TTYH2: variants seen among roughly 807,000 people sequenced by gnomAD.
TTYH2 encodes protein tweety homolog 2.
TTYH2 carries 49 observed loss-of-function variants against 68.3 expected under a neutral mutation model. That is an observed-to-expected ratio of 0.72 (90% CI 0.57 to 0.91). TTYH2 has a LOEUF of 0.91. Ranked by LOEUF, TTYH2 falls within the 40% of genes least tolerant of loss-of-function variation. The pLI is 0.00. For synonymous variants in TTYH2, 272 were observed against 300.8 expected (o/e 0.90, Z 0.99); for missense variants, 631 against 700.4 (o/e 0.90, Z 1.12).
Position 74,260,441 on chromosome 17 carries a change from G to A in TTYH2, c.*232G>A. 1 of 553,708 alleles carries A rather than the reference G, an allele frequency of 1.8e-6. No individual in the cohort carries two copies. The highest frequency in any genetic ancestry group is 3.1e-5 in the East Asian group (1 of 31,884). The allele number at this position is 553,708 out of a possible 1,614,324, so 34.3% of individuals were successfully genotyped here. On this transcript the variant is annotated 3_prime_UTR_variant, in exon 14 of 14. Transcript: ENST00000269346. ...CTCCACACCAGAAATGCCCCCAGGTGCTTGGCTGCCTCAGAGGTACCATCC... is the reference window on the plus strand; with the variant it reads ...CTCCACACCAGAAATGCCCCCAGGTACTTGGCTGCCTCAGAGGTACCATCC...
intron 2 of TTYH2, among the ~76,000 whole-genome samples, chr17:74,226,118 A>T (rs144947092): frequency 1.3e-5 from 2 of 152,338 alleles, no homozygotes; most frequent in Middle Eastern, 3.4e-3. Context: ...AGAGAAGCAG[A>T]CAGTCAGTTT....
intron 13 of TTYH2, among the ~76,000 whole-genome samples, chr17:74,255,022 A>T (rs2050679051): frequency 6.6e-6 from 1 of 152,196 alleles, no homozygotes; most frequent in Admixed American, 6.5e-5. Flanking sequence ...TCAGGGGAGT[A>T]GCTCAGGGTG....
intron 10 of TTYH2, 38 bp downstream of exon 10, chr17:74,250,395 GGCA>G (rs748841859): frequency 3.3e-5 from 51 of 1,565,504 alleles, no homozygotes; most frequent in Non-Finnish European, 4.4e-5. Context: ...AGAGTGTGAG[GGCA>G]CCCAGCAGGC....
At position 74,232,765 on chromosome 17, in the gene TTYH2, G is replaced by C. The variant is rs2050403038; in HGVS notation, c.414+1766G>C. Among the ~76,000 whole-genome samples, 1 of 152,192 alleles carries C rather than the reference G, an allele frequency of 6.6e-6. No individual in the cohort carries two copies. Among genetic ancestry groups the C allele is most frequent in the African/African-American group, 2.4e-5 (1 of 41,450 alleles). On this transcript the variant is annotated intron_variant, in intron 3 of 13. Transcript: ENST00000269346. The surrounding 1 kb of genome is among the most constrained non-coding windows in gnomAD (Gnocchi z 5.1). ...CTGCCCAGGAAGGCACCAGGGCCAT[G>C]ACCTTCACGGGTTTAGAGAAACTCC...
chr17:74,219,387 C>CAAAAAAAAAAAAAAAAAAAAAAAAAAAA (rs1031171600), intron 1 of TTYH2, among the ~76,000 whole-genome samples: 24 of 88,466 alleles, frequency 2.7e-4, no homozygotes, highest in African/African-American at 1.3e-3. Context: ...GACTCCGTGT[C>CAAAAAAAAAAAAAAAAAAAAAAAAAAAA]AAAAAAAAAA....
At chr17:74,248,970 A>T (rs2050589448) in intron 6 of TTYH2, 41 bp from the exon 7 acceptor site, 2 of 1,613,548 alleles carry the variant, frequency 1.2e-6, no homozygotes, top group Non-Finnish European at 1.7e-6. Context: ...CTGTCCTGAT[A>T]CCTGATTTTC....
At chr17:74,218,089 G>A (rs1040953343) in intron 1 of TTYH2, among the ~76,000 whole-genome samples, 2 of 150,474 alleles carry the variant, frequency 1.3e-5, no homozygotes, top group South Asian at 4.2e-4. Flanking sequence ...ATGGGGACAT[G>A]CAGTGTTAAT....
rs1195387864 is a variant in TTYH2, at chr17:74,222,640, G to A, written c.285G>A (p.Val95=). The change falls in exon 2 of 14, where the codon GTG becomes GTA. Residue 95 remains valine (V), a synonymous_variant. Coordinates refer to ENST00000269346, the MANE Select transcript of TTYH2 (RefSeq NM_032646.6). The surrounding 1 kb of genome is among the most constrained non-coding windows in gnomAD (Gnocchi z 5.2). ...GCTGCATCACCTGGACGGCCGTGGTGGCCGGGCTCATCTGCTGGTGAGTGT... is the reference window on the plus strand; with the variant it reads ...GCTGCATCACCTGGACGGCCGTGGTAGCCGGGCTCATCTGCTGGTGAGTGT... ...HSCCITWTAV[V]AGLICCAAVG... The A allele has an allele frequency of 1.9e-6, 3 of 1,609,920 alleles. No individual in the cohort carries two copies. Among genetic ancestry groups the A allele is most frequent in the South Asian group, 1.1e-5 (1 of 91,008 alleles).
At position 74,243,980 on chromosome 17, in the gene TTYH2, G is replaced by A. The variant is rs550013108; in HGVS notation, c.735G>A (p.Met245Ile). The change falls in exon 6 of 14, where the codon ATG becomes ATA. Residue 245 changes from methionine to isoleucine, a missense_variant. Physicochemically the swap from Met to Ile is conservative, Grantham distance 10. Transcript: ENST00000269346. ...TTGTCGCCTGCCTCTCTCCTAGGAT[G>A]CTGTGCTGTGGGGCACTGAGCCTGC... ...AKRSKCLLASMLCCGALSLLL... is the reference protein window; with the variant it reads ...AKRSKCLLASILCCGALSLLL... The A allele has an allele frequency of 6.2e-6, 10 of 1,611,920 alleles. No homozygotes were observed. The highest frequency in any genetic ancestry group is 5.0e-5 in the Admixed American group (3 of 60,016).
Position 74,237,388 on chromosome 17 carries a change from C to A in TTYH2, c.509C>A (p.Thr170Asn), listed in dbSNP as rs781554187. Residue 170 changes from threonine to asparagine, a missense_variant, in exon 4 of 14, where the codon ACC becomes AAC. Transcript: ENST00000269346. ...IFAARGDYLQTLKFIQQMAGS... is the reference protein window; with the variant it reads ...IFAARGDYLQNLKFIQQMAGS... The stretch of plus-strand genomic sequence containing the variant: ...GCTGCCCGGGGCGATTACCTGCAGA[C>A]CCTGAAGTTCATACAGCAGATGGCG... 30 of 1,614,144 alleles carry A rather than the reference C, an allele frequency of 1.9e-5. No homozygotes were observed. Among genetic ancestry groups the A allele is most frequent in the Non-Finnish European group, 2.3e-5 (27 of 1,180,042 alleles).
At chr17:74,238,511 G>C (rs189465814) in intron 4 of TTYH2, among the ~76,000 whole-genome samples, 2 of 151,954 alleles carry the variant, frequency 1.3e-5, no homozygotes, top group South Asian at 4.2e-4. Context: ...TGATCCTCCC[G>C]CCTCAGCCTC....
chr17:74,253,042 C>T, intron 11 of TTYH2, 39 bp from the exon 12 acceptor site: 1 of 1,608,686 alleles, frequency 6.2e-7, no homozygotes, highest in Non-Finnish European at 8.5e-7. Context: ...GAGCCTCCTT[C>T]ACCCTTCACA....
intron 12 of TTYH2, 44 bp downstream of exon 12, chr17:74,253,310 C>A: frequency 6.6e-7 from 1 of 1,524,680 alleles, no homozygotes; most frequent in Admixed American, 2.2e-5. Flanking sequence ...ACTGCCCGGA[C>A]AGCATGTTGG....
intron 2 of TTYH2, among the ~76,000 whole-genome samples, chr17:74,230,063 G>T (rs924338944): frequency 6.6e-6 from 1 of 152,054 alleles, no homozygotes; most frequent in African/African-American, 2.4e-5. Flanking sequence ...CCCAGGAGTC[G>T]GGGGTTACAG....
At position 74,232,590 on chromosome 17, in the gene TTYH2, C is replaced by G. The variant is rs1293356992; in HGVS notation, c.414+1591C>G. Reference sequence around the variant, plus strand: ...CTCTCCCTCTGGGCACCCACCCTTGCCCCAGGCCCTGGTGGGGAAGGGCCC... The same window carrying G: ...CTCTCCCTCTGGGCACCCACCCTTGGCCCAGGCCCTGGTGGGGAAGGGCCC... On this transcript the variant is annotated intron_variant, in intron 3 of 13. Coordinates refer to ENST00000269346, the MANE Select transcript of TTYH2 (RefSeq NM_032646.6). This position sits in a 1 kb window ranked among gnomAD's most constrained non-coding sequence, Gnocchi z 5.1. Among the ~76,000 whole-genome samples, 1 of 152,138 alleles carries G rather than the reference C, an allele frequency of 6.6e-6. No individual in the cohort carries two copies. The highest frequency in any genetic ancestry group is 2.4e-5 in the African/African-American group (1 of 41,430).
rs915030728 is a variant in TTYH2, at chr17:74,251,599, T to A, written c.1117-635T>A. Among the ~76,000 whole-genome samples the A allele has an allele frequency of 2.0e-5, 3 of 152,106 alleles. No homozygotes were observed. The South Asian group carries it at 6.2e-4, about 32-fold the overall frequency. On this transcript the variant is annotated intron_variant, in intron 10 of 13. Transcript: ENST00000269346. Reference sequence around the variant, plus strand: ...TACCCTGAATCCATCCATTTCTCTTTCTCTCCATGGCTTCCACCACGATCC... The same window carrying A: ...TACCCTGAATCCATCCATTTCTCTTACTCTCCATGGCTTCCACCACGATCC...
intron 3 of TTYH2, among the ~76,000 whole-genome samples, chr17:74,234,961 A>G (rs1290782689): frequency 6.6e-6 from 1 of 152,162 alleles, no homozygotes; most frequent in Non-Finnish European, 1.5e-5. Flanking sequence ...TACTGAATGT[A>G]CTTTTACATG....
intron 1 of TTYH2, among the ~76,000 whole-genome samples, chr17:74,219,485 GTA>G (rs1361757404): frequency 6.6e-6 from 1 of 151,938 alleles, no homozygotes; most frequent in Non-Finnish European, 1.5e-5. Context: ...TGCGTGCGTG[GTA>G]TGTGTGTGTG....
chr17:74,234,954 T>C (rs2050427888), intron 3 of TTYH2, among the ~76,000 whole-genome samples: 1 of 152,232 alleles, frequency 6.6e-6, no homozygotes, highest in Non-Finnish European at 1.5e-5. Flanking sequence ...ATTTAGTTAC[T>C]GAATGTACTT....
Sources: allele counts gnomAD v4.1 joint callset (sites outside exome capture counted in the v4.1 genomes callset), GRCh38; gene constraint gnomAD v4.1.1; non-coding constraint Gnocchi (gnomAD v3.1); transcripts MANE v1.5; gene names NCBI Gene and HGNC (gene_info 2026-07-23, HGNC 2026-07-21).